ATP8A1: variants seen among roughly 807,000 people sequenced by gnomAD.
ATP8A1 encodes the protein phospholipid-transporting ATPase IA.
In ATP8A1, 90 loss-of-function variants were observed where a neutral mutation model predicts 177.7. That is an observed-to-expected ratio of 0.51 (90% confidence interval 0.43 to 0.60). The LOEUF (loss-of-function observed/expected upper bound fraction) is 0.60, where lower values mean the gene tolerates loss of function less well. ATP8A1 is among the 20% of genes least tolerant of loss of function. ATP8A1 has a pLI of 0.00. For missense variants in ATP8A1, 1,072 were observed against 1,392.8 expected (o/e 0.77, Z 3.67); for synonymous variants, 493 against 485.9 (o/e 1.01, Z -0.19).
rs1719548709 is a variant in ATP8A1, at chr4:42,464,759, C to A, written c.2550G>T (p.Trp850Cys). ...LKNLLMIHGA[W>C]NYNRVSKCIL... ...TGCACTTGGAGACTCTGTTATAGTT[C>A]CAGGCACCATGAATCATCAGTAAAT... The change falls in exon 27 of 37, where the codon TGG becomes TGT. Residue 850 changes from tryptophan to cysteine, a missense_variant. Around this residue, in one of 5 missense-constraint regions of ATP8A1, gnomAD observed 316 missense variants for 459.1 expected, o/e 0.69. Transcript: ENST00000381668. 1 of 1,613,722 alleles carries A rather than the reference C, an allele frequency of 6.2e-7. No homozygotes were observed. Among genetic ancestry groups the A allele is most frequent in the East Asian group, 2.2e-5 (1 of 44,872 alleles).
At chr4:42,467,346 AG>A (rs1235731363) in intron 25 of ATP8A1, among the ~76,000 whole-genome samples, 1 of 152,188 alleles carries the variant, frequency 6.6e-6, no homozygotes, top group Non-Finnish European at 1.5e-5. Context: ...ACATTTCAAA[AG>A]CACACTGCAG....
At chr4:42,499,870 T>A (rs1723656298) in intron 24 of ATP8A1, among the ~76,000 whole-genome samples, 1 of 152,210 alleles carries the variant, frequency 6.6e-6, no homozygotes, top group Non-Finnish European at 1.5e-5. Flanking sequence ...TTCTAGATGT[T>A]TCCAGATTTA....
chr4:42,460,394 T>C (rs1718988791), intron 27 of ATP8A1, among the ~76,000 whole-genome samples: 1 of 148,024 alleles, frequency 6.8e-6, no homozygotes, highest in Admixed American at 6.7e-5. Flanking sequence ...TTTTTTTTTT[T>C]TTTTTTTTTC....
chr4:42,587,876 G>A (rs545192022), intron 8 of ATP8A1, among the ~76,000 whole-genome samples: 1 of 152,136 alleles, frequency 6.6e-6, no homozygotes, highest in East Asian at 1.9e-4. Context: ...TCAAAGTGCT[G>A]GGATTACAGG....
chr4:42,514,965 T>C (rs1424334880), intron 22 of ATP8A1, among the ~76,000 whole-genome samples: 1 of 152,258 alleles, frequency 6.6e-6, no homozygotes, highest in African/African-American at 2.4e-5. Context: ...ACAGTTATAT[T>C]TTTGTAAAAC....
At chr4:42,472,540 A>C (rs1475534188) in intron 25 of ATP8A1, among the ~76,000 whole-genome samples, 2 of 152,088 alleles carry the variant, frequency 1.3e-5, no homozygotes, top group African/African-American at 4.8e-5. Context: ...CGAGGTCAGG[A>C]GTTCAAGACC....
intron 33 of ATP8A1, among the ~76,000 whole-genome samples, chr4:42,436,589 T>C (rs893443015): frequency 1.3e-5 from 2 of 152,224 alleles, no homozygotes; most frequent in Non-Finnish European, 2.9e-5. Flanking sequence ...TCATTTACTG[T>C]TGGGGGCATG....
intron 1 of ATP8A1, among the ~76,000 whole-genome samples, chr4:42,636,279 A>C (rs2109529761): frequency 6.6e-6 from 1 of 152,306 alleles, no homozygotes; most frequent in African/African-American, 2.4e-5. Flanking sequence ...TTTAATTATA[A>C]ATGCAGAAGC....
intron 1 of ATP8A1, among the ~76,000 whole-genome samples, chr4:42,635,810 T>TATATATATATATATATATATATATATAC (rs1305090729): frequency 7.7e-5 from 8 of 103,898 alleles, no homozygotes; most frequent in African/African-American, 3.6e-4. Context: ...TATATATATA[T>TATATATATATATATATATATATATATAC]ACACATGTAT....
chr4:42,432,275 A>G (rs150072459), intron 33 of ATP8A1, among the ~76,000 whole-genome samples: 21 of 152,322 alleles, frequency 1.4e-4, no homozygotes, highest in African/African-American at 3.8e-4. Context: ...AAGATACTCT[A>G]GAGTATCTTA....
intron 5 of ATP8A1, among the ~76,000 whole-genome samples, chr4:42,607,631 GGTTT>G (rs914742169): frequency 8.6e-5 from 6 of 69,498 alleles, no homozygotes; most frequent in African/African-American, 2.5e-4. Flanking sequence ...TGATTCTACA[GGTTT>G]TTTTTTTTTT....
chr4:42,460,332 T>G (rs1189023947), intron 27 of ATP8A1, among the ~76,000 whole-genome samples: 1 of 150,884 alleles, frequency 6.6e-6, no homozygotes, highest in Non-Finnish European at 1.5e-5. Context: ...CTGTTACTTC[T>G]CAGAGTAAAG....
intron 20 of ATP8A1, among the ~76,000 whole-genome samples, chr4:42,533,474 C>G (rs776892211): frequency 2.6e-5 from 4 of 152,138 alleles, no homozygotes; most frequent in African/African-American, 4.8e-5. Context: ...ACCGCACCCC[C>G]ATCCCCACAG....
intron 22 of ATP8A1, among the ~76,000 whole-genome samples, chr4:42,519,753 C>T (rs1048268916): frequency 6.6e-6 from 1 of 152,154 alleles, no homozygotes; most frequent in Non-Finnish European, 1.5e-5. Flanking sequence ...CTTAATCTTT[C>T]CGGATCTTAG....
chr4:42,465,758 T>C (rs13106054), intron 25 of ATP8A1, among the ~76,000 whole-genome samples: 80,621 of 151,972 alleles, frequency 0.53, 21,949 homozygotes, highest in East Asian at 0.81. Flanking sequence ...ACTGGCCGGG[T>C]GAGGTGGCTC....
intron 1 of ATP8A1, among the ~76,000 whole-genome samples, chr4:42,638,143 AT>A (rs2065392661): frequency 6.6e-6 from 1 of 152,224 alleles, no homozygotes; most frequent in Non-Finnish European, 1.5e-5. Flanking sequence ...GCATCCAAAA[AT>A]TCCCAGAAAT....
At chr4:42,431,773 C>G (rs548272534) in intron 33 of ATP8A1, among the ~76,000 whole-genome samples, 1 of 152,260 alleles carries the variant, frequency 6.6e-6, no homozygotes, top group South Asian at 2.1e-4. Flanking sequence ...ACACCTCTCA[C>G]ATTTCTCTTT....
intron 6 of ATP8A1, among the ~76,000 whole-genome samples, chr4:42,592,451 T>C (rs760376584): frequency 1.3e-5 from 2 of 152,270 alleles, no homozygotes; most frequent in African/African-American, 4.8e-5. Flanking sequence ...CAGGGCAGTA[T>C]AGTCGATTAT....
At chr4:42,621,238 T>C (rs191202124) in intron 4 of ATP8A1, among the ~76,000 whole-genome samples, 22 of 152,348 alleles carry the variant, frequency 1.4e-4, no homozygotes, top group Admixed American at 1.4e-3. Context: ...ATGCACAACA[T>C]CTGTTTCTAC....
Sources: gnomAD v4.1 joint callset for allele counts (sites outside exome capture counted in the v4.1 genomes callset) on GRCh38, gnomAD v4.1.1 for gene constraint, gnomAD v4.1.1 regional missense constraint, MANE v1.5 for transcripts, NCBI Gene and HGNC (gene_info 2026-07-23, HGNC 2026-07-21) for gene names.